SGK3: variants seen among roughly 807,000 people sequenced by gnomAD.
SGK3 encodes the protein serine/threonine-protein kinase Sgk3.
Under a neutral mutation model 68.5 loss-of-function variants are expected in SGK3, and 47 were observed. That is an observed-to-expected ratio of 0.69 (90% CI 0.54 to 0.87). The LOEUF (loss-of-function observed/expected upper bound fraction) is 0.87. Ranked by LOEUF, SGK3 falls within the 40% of genes least tolerant of loss-of-function variation. The pLI, the probability that SGK3 is intolerant of heterozygous loss-of-function variation, is 0.00. For synonymous variants in SGK3, 181 were observed against 189.1 expected (o/e 0.96, Z 0.35); for missense variants, 479 against 575.5 (o/e 0.83, Z 1.72).
intron 1 of SGK3, among the ~76,000 whole-genome samples, chr8:66,735,804 C>G (rs1049531482): frequency 2.0e-5 from 3 of 151,908 alleles, no homozygotes; most frequent in Non-Finnish European, 4.4e-5. Context: ...TCCAAAATAT[C>G]ATTAAATTTT....
chr8:66,798,059 G>A (rs558313180), intron 2 of SGK3, among the ~76,000 whole-genome samples: 31 of 151,598 alleles, frequency 2.0e-4, no homozygotes, highest in Admixed American at 1.8e-3. Context: ...TCAGGCTGGA[G>A]TACAGTGGTG....
Position 66,816,356 on chromosome 8 carries a change from T to TTGTG in SGK3, c.329+2433_329+2436dup, listed in dbSNP as rs1554602623. Among the ~76,000 whole-genome samples the TTGTG allele has an allele frequency of 9.2e-4, 136 of 148,240 alleles. 2 individuals are homozygous for TTGTG. Among genetic ancestry groups the TTGTG allele is most frequent in the African/African-American group, 3.3e-3 (132 of 39,752 alleles). On this transcript the variant is annotated intron_variant, in intron 5 of 16. Coordinates refer to ENST00000521198, the MANE Select transcript of SGK3 (RefSeq NM_001033578.3). ...CATTTCCTTTTTTTTTTTTTTTTTT[T>TTGTG]TGTGTGTGAGACGGAGTCTTGCTCT... is the stretch of plus-strand genomic sequence containing the variant.
intron 14 of SGK3, among the ~76,000 whole-genome samples, chr8:66,845,485 A>G (rs956949250): frequency 3.9e-5 from 6 of 152,248 alleles, no homozygotes; most frequent in Admixed American, 2.0e-4. Flanking sequence ...TGGCAAGCCT[A>G]TAAAACTCCC....
chr8:66,841,037 T>C lies in SGK3; in HGVS notation c.905T>C (p.Leu302Ser). 6.2e-7 allele frequency: 1 copy of C among 1,602,044 alleles called. No homozygotes were observed. The highest frequency in any genetic ancestry group is 8.5e-7 in the Non-Finnish European group (1 of 1,174,736). The change falls in exon 13 of 17, where the codon TTA becomes TCA. Residue 302 changes from leucine (L) to serine (S), a missense_variant. By Grantham distance (145) the Leu-to-Ser change is moderately radical. This residue lies in a region of SGK3 where 8 missense variants were observed against 31.8 expected (regional missense o/e 0.25). Coordinates refer to ENST00000521198, the MANE Select transcript of SGK3 (RefSeq NM_001033578.3). ...TGTATTTGTCAGGGACATGTTGTCT[T>C]AACAGATTTTGGGCTTTGTAAAGAA... ...ILLDSVGHVV[L>S]TDFGLCKEGI...
At chr8:66,841,491 T>C (rs1809795391) in intron 13 of SGK3, among the ~76,000 whole-genome samples, 1 of 152,226 alleles carries the variant, frequency 6.6e-6, no homozygotes, top group African/African-American at 2.4e-5. Context: ...GAAAGTGTTC[T>C]TTCTGTGACT....
chr8:66,817,085 G>T (rs1018322134), intron 5 of SGK3, among the ~76,000 whole-genome samples: 2 of 152,030 alleles, frequency 1.3e-5, no homozygotes, highest in Admixed American at 6.5e-5. Context: ...CTCCCAAAGT[G>T]CTGGGATTAC....
rs1804524087 is a variant in SGK3, at chr8:66,712,810, C to G, written c.-145C>G. ...TGCGTTCGGCTCCGCGCCCGCCGCG[C>G]CGGGAGCAGCACCGCGGGGCCAGGT... is the stretch of plus-strand genomic sequence containing the variant. On this transcript the variant is annotated 5_prime_UTR_variant, in exon 1 of 17. Coordinates refer to ENST00000521198, the MANE Select transcript of SGK3 (RefSeq NM_001033578.3). 6.6e-6 allele frequency: 1 copy of G among 151,374 alleles called. No individual in the cohort carries two copies. Among genetic ancestry groups the G allele is most frequent in the Non-Finnish European group, 1.5e-5 (1 of 67,774 alleles). 9.4% of individuals were successfully genotyped at this position (151,374 alleles called of 1,614,324 possible). A position where few individuals can be genotyped will look rare whatever the true frequency, so the allele number is the denominator to read the frequency against.
rs193237152 is a variant in SGK3, at chr8:66,779,922, G to T, written c.-121-13694G>T. ...TTTGAAAGCAAATATTTACTTGAGA[G>T]TAAAGTTTCCTTTATCACACTGCAT... On this transcript the variant is annotated intron_variant, in intron 1 of 16. Transcript: ENST00000521198. Among the ~76,000 whole-genome samples, 16 of 152,040 alleles carry T rather than the reference G, an allele frequency of 1.1e-4. No homozygotes were observed. In the South Asian group the frequency reaches 3.3e-3, roughly 32 times the overall value.
chr8:66,835,779 G>A lies in SGK3; in HGVS notation c.542G>A (p.Arg181Gln), dbSNP rs764236858. Residue 181 changes from arginine to glutamine, a missense_variant, in exon 9 of 17, where the codon CGG becomes CAG. This residue lies in a region of SGK3 where 298 missense variants were observed against 329.4 expected (regional missense o/e 0.90). Transcript: ENST00000521198. ...CTATAACAGGTTCTTCTTGCAAAAC[G>A]GAAACTGGATGGAAAATTTTATGCT... ...GSFGKVLLAK[R>Q]KLDGKFYAVK... The A allele has an allele frequency of 1.2e-5, 20 of 1,611,610 alleles. No homozygotes were observed. The highest frequency in any genetic ancestry group is 1.6e-5 in the Non-Finnish European group (19 of 1,179,470).
In SGK3 at chr8:66,816,188, G is replaced by T. The variant is rs1386308274; in HGVS notation, c.329+2260G>T. On this transcript the variant is annotated intron_variant, in intron 5 of 16. Coordinates refer to ENST00000521198, the MANE Select transcript of SGK3 (RefSeq NM_001033578.3). ...CTAATTTTTTTTTGTATTTTTAGTAGAGACGGGGTTTCACCATGTTAGCCA... is the reference window on the plus strand; with the variant it reads ...CTAATTTTTTTTTGTATTTTTAGTATAGACGGGGTTTCACCATGTTAGCCA... Among the ~76,000 whole-genome samples, 4 of 151,868 alleles carry T rather than the reference G, an allele frequency of 2.6e-5. No homozygotes were observed. The East Asian group carries it at 5.8e-4, about 22-fold the overall frequency.
intron 1 of SGK3, among the ~76,000 whole-genome samples, chr8:66,747,237 G>T (rs1341286820): frequency 6.6e-6 from 1 of 152,036 alleles, no homozygotes; most frequent in African/African-American, 2.4e-5. Context: ...AAGGTGTGAG[G>T]TTTATTTTTA....
chr8:66,724,197 C>G (rs1005643254), intron 1 of SGK3, among the ~76,000 whole-genome samples: 1 of 152,268 alleles, frequency 6.6e-6, no homozygotes, highest in African/African-American at 2.4e-5. Flanking sequence ...CCAGGCTAGT[C>G]TCAAACTCCT....
chr8:66,861,551 G>A lies in SGK3; in HGVS notation c.*1970G>A, dbSNP rs1294390076. On this transcript the variant is annotated 3_prime_UTR_variant, in exon 17 of 17. Transcript: ENST00000521198. ...GTAGAGGTTTTTTTTAAGTTATGGA[G>A]GAAACATTTTTGTAAAAGTTTAATG... The A allele has an allele frequency of 6.6e-6, 1 of 152,030 alleles. No homozygotes were observed. The highest frequency in any genetic ancestry group is 1.5e-5 in the Non-Finnish European group (1 of 68,014). The allele number at this position is 152,030 out of a possible 1,614,324, so 9.4% of individuals were successfully genotyped here.
intron 1 of SGK3, among the ~76,000 whole-genome samples, chr8:66,780,827 A>T (rs779602803): frequency 6.6e-6 from 1 of 152,168 alleles, no homozygotes; most frequent in Non-Finnish European, 1.5e-5. Context: ...AAATTATCAG[A>T]TTTACAGTGA....
intron 1 of SGK3, among the ~76,000 whole-genome samples, chr8:66,755,312 C>T (rs1186564003): frequency 6.6e-6 from 1 of 151,392 alleles, no homozygotes; most frequent in African/African-American, 2.4e-5. Flanking sequence ...GGCTGTCAGT[C>T]TCTGCCTGTG....
At chr8:66,767,038 T>G (rs1806340833) in intron 1 of SGK3, among the ~76,000 whole-genome samples, 1 of 152,208 alleles carries the variant, frequency 6.6e-6, no homozygotes, top group Non-Finnish European at 1.5e-5. Flanking sequence ...AGAGACAGGA[T>G]TTCTCCATGT....
intron 1 of SGK3, among the ~76,000 whole-genome samples, chr8:66,758,815 T>C (rs1047865901): frequency 4.6e-5 from 7 of 152,058 alleles, no homozygotes; most frequent in Admixed American, 6.6e-5. Flanking sequence ...CACTAAGGGC[T>C]CCATATCAAT....
chr8:66,795,736 C>T (rs776539148), intron 2 of SGK3, among the ~76,000 whole-genome samples: 11 of 152,108 alleles, frequency 7.2e-5, no homozygotes, highest in South Asian at 2.1e-4. Flanking sequence ...TCACCTTATT[C>T]GTTTACTTCC....
intron 13 of SGK3, 89 bp downstream of exon 13, chr8:66,841,199 A>G (rs1006966610): frequency 1.9e-6 from 2 of 1,060,898 alleles, no homozygotes; most frequent in Non-Finnish European, 1.3e-6. Context: ...TAAAATAAGA[A>G]AAGTAGAATA....
Sources: allele counts gnomAD v4.1 joint callset (sites outside exome capture counted in the v4.1 genomes callset), GRCh38; gene constraint gnomAD v4.1.1; regional missense constraint gnomAD v4.1.1; transcripts MANE v1.5; gene names NCBI Gene and HGNC (gene_info 2026-07-23, HGNC 2026-07-21).